The following CCDC187 variants were observed in gnomAD, a reference collection of about 807,000 sequenced individuals.
CCDC187 encodes the protein coiled-coil domain-containing protein 187.
In CCDC187, 32 loss-of-function variants were observed where a neutral mutation model predicts 38.0. That is an observed-to-expected ratio of 0.84 (90% CI 0.64 to 1.13). The LOEUF is 1.13. Ranked by LOEUF, CCDC187 falls within the 50% of genes most tolerant of loss-of-function variation. The pLI is 0.00. For synonymous variants in CCDC187, 333 were observed against 347.9 expected (o/e 0.96, Z 0.48); for missense variants, 707 against 786.8 (o/e 0.90, Z 1.21).
At chr9:136,305,175 G>A (rs1224855920), upstream of CCDC187, among the ~76,000 whole-genome samples, 12 of 152,226 alleles carry the variant, frequency 7.9e-5, no homozygotes, top group Non-Finnish European at 1.8e-4. Context: ...GTGAGGTGCG[G>A]CCACCTCCAG....
At position 136,286,607 on chromosome 9, in the gene CCDC187, G is replaced by C. The variant is rs1242050672; in HGVS notation, c.2311C>G (p.Pro771Ala). The stretch of plus-strand genomic sequence containing the variant: ...GAGGGTGAAGCTGACAGCAGCACGG[G>C]GGCATCCCGGCCATCTTGGGGGCCC... ...MGGPQDGRDAPVLLSASPSLG... is the reference protein window; with the variant it reads ...MGGPQDGRDAAVLLSASPSLG... The change falls in exon 8 of 26, where the codon CCC becomes GCC. Residue 771 changes from proline (P) to alanine (A), a missense_variant. Physicochemically the swap from Pro to Ala is conservative, Grantham distance 27 (BLOSUM62 -1). Coordinates refer to ENST00000638797, the MANE Select transcript of CCDC187 (RefSeq NM_001378188.1). The C allele has an allele frequency of 3.3e-5, 13 of 398,630 alleles. No individual in the cohort carries two copies. The highest frequency in any genetic ancestry group is 5.7e-5 in the Non-Finnish European group (13 of 226,186). 24.7% of individuals were successfully genotyped at this position (398,630 alleles called of 1,614,324 possible). A position where few individuals can be genotyped will look rare whatever the true frequency, so the allele number is the denominator to read the frequency against.
Position 136,259,389 on chromosome 9 carries a change from C to G in CCDC187, c.4270G>C (p.Gly1424Arg), listed in dbSNP as rs1207281958. 1 of 984,870 alleles carries G rather than the reference C, an allele frequency of 1.0e-6. No homozygotes were observed. Among genetic ancestry groups the G allele is most frequent in the Non-Finnish European group, 1.2e-6 (1 of 829,920 alleles). The allele number at this position is 984,870 out of a possible 1,614,324, so 61.0% of individuals were successfully genotyped here. A position where few individuals can be genotyped will look rare whatever the true frequency, so the allele number is the denominator to read the frequency against. ...GGAAAGGCTGGGCCCAGCCGCTGTC[C>G]GTCCGGGGGGCTCACGTGCTGCAGG... ...LGLQHVSPPD[G>R]QRLGPAFPAE... Residue 1424 changes from glycine (G) to arginine (R), a missense_variant, in exon 21 of 26, where the codon GGA (glycine) becomes CGA (arginine). By Grantham distance (125) the Gly-to-Arg change is moderately radical. Coordinates refer to ENST00000638797, the MANE Select transcript of CCDC187 (RefSeq NM_001378188.1).
intron 19 of CCDC187, among the ~76,000 whole-genome samples, chr9:136,261,436 G>C (rs1285132912): frequency 6.6e-6 from 1 of 152,146 alleles, no homozygotes; most frequent in Non-Finnish European, 1.5e-5. Flanking sequence ...AGGAGGGTGG[G>C]CTGACACCCA....
chr9:136,271,013 T>A (rs999045301), intron 14 of CCDC187, among the ~76,000 whole-genome samples: 1 of 152,276 alleles, frequency 6.6e-6, no homozygotes, highest in African/African-American at 2.4e-5. Context: ...ACTATTCTTG[T>A]TCTAACTATT....
chr9:136,287,423 A>C (rs1831207726), intron 7 of CCDC187, among the ~76,000 whole-genome samples: 1 of 152,180 alleles, frequency 6.6e-6, no homozygotes, highest in South Asian at 2.1e-4. Context: ...GCTGAAACGC[A>C]CCAGATCACC....
chr9:136,277,430 G>T (rs1280253214), intron 10 of CCDC187, among the ~76,000 whole-genome samples: 10 of 100,764 alleles, frequency 9.9e-5, no homozygotes, highest in African/African-American at 1.4e-4. Context: ...GTGCTGAGGG[G>T]GTGAGTGGGT....
chr9:136,287,556 C>G (rs1831210918), intron 7 of CCDC187, among the ~76,000 whole-genome samples: 2 of 152,204 alleles, frequency 1.3e-5, no homozygotes, highest in Non-Finnish European at 1.5e-5. Flanking sequence ...CAACTTTAGT[C>G]AGTCAGGGAG....
chr9:136,267,407 CA>C lies in CCDC187; in HGVS notation c.3623del (p.Leu1208ArgfsTer44). The C allele has an allele frequency of 1.0e-6, 1 of 985,602 alleles. No individual in the cohort carries two copies. The highest frequency in any genetic ancestry group is 1.2e-6 in the Non-Finnish European group (1 of 830,046). 61.1% of individuals were successfully genotyped at this position (985,602 alleles called of 1,614,324 possible). On this transcript the variant is annotated frameshift_variant, in exon 16 of 26. Coordinates refer to ENST00000638797, the MANE Select transcript of CCDC187 (RefSeq NM_001378188.1). LOFTEE classifies it high-confidence loss of function. ...MALQEKTLAE[L>X]AWLEHRRGCL... ...ACCCTCGTCGATGCTCCAGCCAGGC[CA>C]GCTCCGCGAGCGTTTTCTCCTGGAG... is the stretch of plus-strand genomic sequence containing the variant.
At chr9:136,281,905 GC>G (rs1353539675) in intron 9 of CCDC187, among the ~76,000 whole-genome samples, 8 of 152,180 alleles carry the variant, frequency 5.3e-5, no homozygotes, top group African/African-American at 1.9e-4. Flanking sequence ...AGTGGGTGGG[GC>G]CTGAGCATGC....
intron 15 of CCDC187, chr9:136,267,748 C>T: frequency 1.1e-6 from 1 of 893,054 alleles, no homozygotes; most frequent in South Asian, 5.1e-5. Flanking sequence ...TCGGCCTCAC[C>T]ACCAGCCCTG....
chr9:136,281,292 G>A (rs1564316230), intron 10 of CCDC187: 1 of 397,780 alleles, frequency 2.5e-6, no homozygotes, highest in African/African-American at 2.1e-5. Context: ...GCGGCACGGG[G>A]CATGGCTGTC....
At chr9:136,306,133 A>G (rs1831801364), upstream of CCDC187, among the ~76,000 whole-genome samples, 1 of 152,190 alleles carries the variant, frequency 6.6e-6, no homozygotes, top group Non-Finnish European at 1.5e-5. Context: ...GCCACTGGGC[A>G]GAGGCTGCAG....
intron 15 of CCDC187, 96 bp downstream of exon 15, chr9:136,267,953 C>T: frequency 4.1e-6 from 4 of 985,490 alleles, no homozygotes; most frequent in Non-Finnish European, 4.8e-6. Flanking sequence ...TGCCTTGGCC[C>T]TTCTTAGTGG....
intron 7 of CCDC187, among the ~76,000 whole-genome samples, chr9:136,287,177 C>A (rs1831202317): frequency 6.6e-6 from 1 of 152,166 alleles, no homozygotes; most frequent in Non-Finnish European, 1.5e-5. Flanking sequence ...TAGTATTCAG[C>A]CCTGAAATGG....
chr9:136,275,261 A>G (rs1002828834), intron 12 of CCDC187, among the ~76,000 whole-genome samples: 16,414 of 151,934 alleles, frequency 0.11, 1,211 homozygotes, highest in Admixed American at 0.19. Context: ...GAGCTGGGGG[A>G]CCAGCTGCAT....
In CCDC187 at chr9:136,293,422, T is replaced by A. The variant is rs1390756573; in HGVS notation, c.833-1127A>T. ...ACTCACAAACACTCACATGCTCACA[T>A]ACTCTCACATGCTCACACACTCACA... On this transcript the variant is annotated intron_variant, in intron 4 of 25. Transcript: ENST00000638797. 8.7e-5 allele frequency among the ~76,000 whole-genome samples: 3 copies of A among 34,442 alleles called. 1 individual carries two copies. Among genetic ancestry groups the A allele is most frequent in the African/African-American group, 2.6e-4 (2 of 7,746 alleles). 22.6% of individuals were successfully genotyped at this position (34,442 alleles called of 152,430 possible).
chr9:136,274,358 T>A (rs186667935), intron 14 of CCDC187, among the ~76,000 whole-genome samples: 2 of 152,228 alleles, frequency 1.3e-5, no homozygotes, highest in African/African-American at 4.8e-5. Context: ...CCTGCTGAGA[T>A]CCTGACTCAG....
intron 4 of CCDC187, among the ~76,000 whole-genome samples, chr9:136,293,298 A>G (rs1327754082): frequency 0.25 from 31,560 of 126,344 alleles, 4,310 homozygotes; most frequent in East Asian, 0.47. Flanking sequence ...CACACTCACA[A>G]ACACATGTTC....
At chr9:136,271,784 T>C (rs1830845066) in intron 14 of CCDC187, among the ~76,000 whole-genome samples, 1 of 151,720 alleles carries the variant, frequency 6.6e-6, no homozygotes, top group African/African-American at 2.4e-5. Flanking sequence ...ATTTTTTGTA[T>C]TTTTAGTAGA....
Sources: gnomAD v4.1 joint callset for allele counts (sites outside exome capture counted in the v4.1 genomes callset) on GRCh38, gnomAD v4.1.1 for gene constraint, MANE v1.5 for transcripts, NCBI Gene and HGNC (gene_info 2026-07-23, HGNC 2026-07-21) for gene names.